Variants in IRAK3 observed in about 807,000 individuals in gnomAD.
The protein encoded by IRAK3 is interleukin-1 receptor-associated kinase 3.
A neutral mutation model predicts 56.6 loss-of-function variants in IRAK3; 57 were observed. The observed-to-expected ratio is 1.01, with a 90% CI of 0.81 to 1.26. IRAK3 has a LOEUF of 1.26. IRAK3 is among the 50% of genes most tolerant of loss of function. The probability of loss-of-function intolerance (pLI) is 0.00; values close to 1 mark genes in which losing one functional copy is unlikely to be tolerated. For missense variants in IRAK3, 703 were observed against 719.0 expected, an observed-to-expected ratio of 0.98 and a Z score of 0.25; for synonymous variants, 258 against 255.7, an observed-to-expected ratio of 1.01 and a Z score of -0.09.
chr12:66,246,588 T>C (rs1445231197), intron 11 of IRAK3, among the ~76,000 whole-genome samples: 1 of 152,200 alleles, frequency 6.6e-6, no homozygotes, highest in Non-Finnish European at 1.5e-5. Context: ...GGACAGAGAA[T>C]TGGAAGCCCG....
At chr12:66,198,078 GT>G in intron 1 of IRAK3, 1 of 985,190 alleles carries the variant, frequency 1.0e-6, no homozygotes, top group South Asian at 4.7e-5. Flanking sequence ...ACCTTTTTAT[GT>G]ATAAATATTT....
chr12:66,230,142 A>G (rs1450152587), intron 8 of IRAK3, among the ~76,000 whole-genome samples: 4 of 152,168 alleles, frequency 2.6e-5, no homozygotes, highest in African/African-American at 9.7e-5. Flanking sequence ...TCTTTTTCAC[A>G]GCTGAAACTG....
At chr12:66,223,857 C>T (rs1016059182) in intron 6 of IRAK3, among the ~76,000 whole-genome samples, 12 of 150,998 alleles carry the variant, frequency 7.9e-5, no homozygotes, top group Admixed American at 4.0e-4. Flanking sequence ...GGGCAAAAAC[C>T]GCAGTAATTT....
At chr12:66,208,067 G>T (rs1271793680) in intron 2 of IRAK3, among the ~76,000 whole-genome samples, 2 of 152,174 alleles carry the variant, frequency 1.3e-5, no homozygotes, top group Non-Finnish European at 2.9e-5. Flanking sequence ...AAGGAAATTT[G>T]TTATTGATTG....
chr12:66,226,786 G>C lies in IRAK3; in HGVS notation c.717G>C (p.Leu239=). Residue 239 remains leucine, a synonymous_variant, in exon 7 of 12, where the codon CTG becomes CTC. Transcript: ENST00000261233. ...AYFTETEKFC[L]IYPYMRNGTL... ...TTACAGAGACTGAGAAGTTCTGTCTGATTTATCCATACATGAGAAATGGAA... is the reference window on the plus strand; with the variant it reads ...TTACAGAGACTGAGAAGTTCTGTCTCATTTATCCATACATGAGAAATGGAA... 1 of 1,610,892 alleles carries C rather than the reference G, an allele frequency of 6.2e-7. No homozygotes were observed. Among genetic ancestry groups the C allele is most frequent in the Non-Finnish European group, 8.5e-7 (1 of 1,177,040 alleles).
chr12:66,194,697 C>T (rs1250170476), intron 1 of IRAK3, among the ~76,000 whole-genome samples: 1 of 151,826 alleles, frequency 6.6e-6, no homozygotes, highest in Non-Finnish European at 1.5e-5. Flanking sequence ...GGCGTGGTGG[C>T]AGGTGCCTGT....
At position 66,248,495 on chromosome 12, in the gene IRAK3, A is replaced by G. The variant is rs1007013596; in HGVS notation, c.*324A>G. 25 of 229,816 alleles carry G rather than the reference A, an allele frequency of 1.1e-4. No individual in the cohort carries two copies. Among genetic ancestry groups the G allele is most frequent in the African/African-American group, 5.5e-4 (24 of 44,002 alleles). 14.2% of individuals were successfully genotyped at this position (229,816 alleles called of 1,614,324 possible). On this transcript the variant is annotated 3_prime_UTR_variant, in exon 12 of 12. Transcript: ENST00000261233. Reference sequence around the variant, plus strand: ...ACCTACCAAAAAGGGACTGGATTGTAATGTCCTCTCCATCATCCTCAGTGT... The same window carrying G: ...ACCTACCAAAAAGGGACTGGATTGTGATGTCCTCTCCATCATCCTCAGTGT...
chr12:66,223,907 A>C (rs2052760984), intron 6 of IRAK3, among the ~76,000 whole-genome samples: 1 of 151,310 alleles, frequency 6.6e-6, no homozygotes, highest in Non-Finnish European at 1.5e-5. Context: ...ATTTTTTCCC[A>C]GTACTTTCAT....
chr12:66,202,485 C>T (rs2052517837), intron 1 of IRAK3, among the ~76,000 whole-genome samples: 1 of 152,050 alleles, frequency 6.6e-6, no homozygotes, highest in African/African-American at 2.4e-5. Context: ...CAAAAGAACA[C>T]AAAAGGCCTG....
intron 8 of IRAK3, among the ~76,000 whole-genome samples, chr12:66,241,354 G>A (rs2052967945): frequency 6.6e-6 from 1 of 152,144 alleles, no homozygotes; most frequent in African/African-American, 2.4e-5. Context: ...CTATCTCTTT[G>A]GTGGCCACAG....
At chr12:66,208,747 C>T (rs995865492) in intron 2 of IRAK3, among the ~76,000 whole-genome samples, 5 of 144,620 alleles carry the variant, frequency 3.5e-5, no homozygotes, top group African/African-American at 1.0e-4. Context: ...GGTGACAGAG[C>T]GAGACTCTGT....
chr12:66,244,063 G>A (rs567008110), intron 8 of IRAK3, among the ~76,000 whole-genome samples: 13 of 152,304 alleles, frequency 8.5e-5, no homozygotes, highest in African/African-American at 1.7e-4. Context: ...GTGGCTCTGC[G>A]CTCATAAGCT....
chr12:66,202,275 G>A (rs1592577982), intron 1 of IRAK3, among the ~76,000 whole-genome samples: 1 of 151,962 alleles, frequency 6.6e-6, no homozygotes, highest in Non-Finnish European at 1.5e-5. Flanking sequence ...GCTCTTGGAG[G>A]GCCTAGAAGC....
intron 8 of IRAK3, among the ~76,000 whole-genome samples, chr12:66,241,933 G>T (rs1209992768): frequency 2.6e-5 from 4 of 152,148 alleles, no homozygotes; most frequent in Admixed American, 1.3e-4. Context: ...TGAAGGTTTT[G>T]TTGTTATTAC....
At chr12:66,227,368 G>A (rs1050153132) in intron 7 of IRAK3, among the ~76,000 whole-genome samples, 5 of 152,046 alleles carry the variant, frequency 3.3e-5, no homozygotes, top group Admixed American at 6.6e-5. Context: ...CGAGTTGGGC[G>A]AATCACAAGG....
intron 11 of IRAK3, among the ~76,000 whole-genome samples, chr12:66,245,873 AATCT>A (rs921207681): frequency 6.6e-6 from 1 of 152,046 alleles, no homozygotes; most frequent in Non-Finnish European, 1.5e-5. Flanking sequence ...TAAATTTATT[AATCT>A]ATCCATAGAC....
chr12:66,233,251 G>T (rs1283919263), intron 8 of IRAK3, among the ~76,000 whole-genome samples: 3 of 152,174 alleles, frequency 2.0e-5, no homozygotes, highest in Non-Finnish European at 4.4e-5. Flanking sequence ...GGGCGCGGTG[G>T]CTCACGCCTG....
chr12:66,244,740 T>G (rs1453057373), intron 9 of IRAK3, 56 bp downstream of exon 9: 14 of 1,471,806 alleles, frequency 9.5e-6, no homozygotes, highest in South Asian at 2.3e-5. Context: ...ATGTTCTAGA[T>G]TCTAAGAATT....
At chr12:66,193,384 T>A (rs2052418241) in intron 1 of IRAK3, among the ~76,000 whole-genome samples, 1 of 152,222 alleles carries the variant, frequency 6.6e-6, no homozygotes, top group Admixed American at 6.5e-5. Flanking sequence ...AGTTCCCAGA[T>A]ACTCTACATC....
Sources: allele counts gnomAD v4.1 joint callset (sites outside exome capture counted in the v4.1 genomes callset), GRCh38; gene constraint gnomAD v4.1.1; transcripts MANE v1.5; gene names NCBI Gene and HGNC (gene_info 2026-07-23, HGNC 2026-07-21).